Variants in NKAIN3 observed in about 807,000 individuals in gnomAD.
The protein encoded by NKAIN3 is sodium/potassium transporting ATPase interacting 3, also known as sodium/potassium-transporting ATPase subunit beta-1-interacting protein 3.
NKAIN3 carries 25 observed loss-of-function variants against 30.2 expected under a neutral mutation model. The ratio of observed to expected loss-of-function variants is 0.83; its 90% confidence interval spans 0.60 to 1.16. The LOEUF is 1.16. Among genes scored for constraint, NKAIN3 ranks in the 50% most tolerant of loss-of-function variants. NKAIN3 has a pLI of 0.00. For synonymous variants in NKAIN3, 91 were observed against 89.6 expected, an observed-to-expected ratio of 1.02 and a Z score of -0.09; for missense variants, 225 against 254.1, an observed-to-expected ratio of 0.89 and a Z score of 0.78.
At chr8:62,249,430 G>C (rs4262319) in intron 1 of NKAIN3, among the ~76,000 whole-genome samples, 100,544 of 152,166 alleles carry the variant, frequency 0.66, 33,463 homozygotes, top group African/African-American at 0.73. Flanking sequence ...GCGGAGTGAG[G>C]GATTTTCCCG....
chr8:62,797,802 C>G (rs556712503), intron 4 of NKAIN3, among the ~76,000 whole-genome samples: 1 of 152,050 alleles, frequency 6.6e-6, no homozygotes, highest in Non-Finnish European at 1.5e-5. Context: ...AGTTAAGATA[C>G]GGTCACAGTG....
intron 4 of NKAIN3, among the ~76,000 whole-genome samples, chr8:62,784,241 A>G (rs1448638581): frequency 6.6e-6 from 1 of 151,938 alleles, no homozygotes. Context: ...AGTGCAAACT[A>G]TCCCTAAAGC....
In NKAIN3 at chr8:62,965,789, A is replaced by C; in HGVS notation, c.*382A>C. ...GTTAAGTCAGCACTGCTGACTGTTG[A>C]AGTTATTCTAGGCCTGATGAATTTG... On this transcript the variant is annotated 3_prime_UTR_variant, in exon 7 of 7. Transcript: ENST00000623646. 7.1e-6 allele frequency: 7 copies of C among 985,320 alleles called. No individual in the cohort carries two copies. The highest frequency in any genetic ancestry group is 8.4e-6 in the Non-Finnish European group (7 of 829,870). The allele number at this position is 985,320 out of a possible 1,614,324, so 61.0% of individuals were successfully genotyped here.
intron 1 of NKAIN3, among the ~76,000 whole-genome samples, chr8:62,375,031 C>A (rs1016844921): frequency 6.6e-6 from 1 of 152,204 alleles, no homozygotes; most frequent in African/African-American, 2.4e-5. Context: ...TGTTCCCCTA[C>A]ACCAAATTAA....
At position 62,688,721 on chromosome 8, in the gene NKAIN3, CACAG is replaced by C. The variant is rs541712425; in HGVS notation, c.274-58191_274-58188del. ...ATCTATTTTCAATCTCACACATAGA[CACAG>C]ACAGACAGACAGACAGACACACACA... On this transcript the variant is annotated intron_variant, in intron 3 of 6. Coordinates refer to ENST00000623646, the MANE Select transcript of NKAIN3 (RefSeq NM_001304533.3). Among the ~76,000 whole-genome samples the C allele has an allele frequency of 3.0e-3, 455 of 150,640 alleles. 1 individual carries two copies. The highest frequency in any genetic ancestry group is 9.0e-3 in the East Asian group (46 of 5,092).
At chr8:62,443,331 GCTGCTTTCAATTTACTTGTTGTC>G (rs1805387912) in intron 1 of NKAIN3, among the ~76,000 whole-genome samples, 1 of 151,646 alleles carries the variant, frequency 6.6e-6, no homozygotes, top group South Asian at 2.1e-4. Context: ...GTCCTTCATT[GCTGCTTTCAATTTACTTGTTGTC>G]CTACTTTGTA....
Position 62,454,301 on chromosome 8 carries a change from C to CAAAAA in NKAIN3, c.55-125220_55-125216dup, listed in dbSNP as rs201511724. On this transcript the variant is annotated intron_variant, in intron 1 of 6. Coordinates refer to ENST00000623646, the MANE Select transcript of NKAIN3 (RefSeq NM_001304533.3). ...ACCAACACTAACAATAGCTGATGTG[C>CAAAAA]AAAAAAAAAAAAAAAAAAAAAATCT... Among the ~76,000 whole-genome samples, 22 of 56,142 alleles carry CAAAAA rather than the reference C, an allele frequency of 3.9e-4. 2 individuals carry two copies. The highest frequency in any genetic ancestry group is 1.9e-3 in the South Asian group (2 of 1,066). 36.8% of individuals were successfully genotyped at this position (56,142 alleles called of 152,430 possible). A position where few individuals can be genotyped will look rare whatever the true frequency, so the allele number is the denominator to read the frequency against.
At position 62,720,943 on chromosome 8, in the gene NKAIN3, T is replaced by C. The variant is rs145450223; in HGVS notation, c.274-25989T>C. On this transcript the variant is annotated intron_variant, in intron 3 of 6. Coordinates refer to ENST00000623646, the MANE Select transcript of NKAIN3 (RefSeq NM_001304533.3). ...ACTTACTTGAACTACATGTGGTCGA[T>C]ATTATGCATCTGCCGCATCGCTTAC... 5.3e-3 allele frequency among the ~76,000 whole-genome samples: 811 copies of C among 152,336 alleles called. 4 individuals are homozygous for C. Among genetic ancestry groups the C allele is most frequent in the African/African-American group, 0.018 (756 of 41,574 alleles).
chr8:62,345,360 T>C (rs1214991746), intron 1 of NKAIN3, among the ~76,000 whole-genome samples: 1 of 9,858 alleles, frequency 1.0e-4, no homozygotes, highest in African/African-American at 1.7e-4. Context: ...TATACACATA[T>C]ATGTATATAT....
intron 1 of NKAIN3, among the ~76,000 whole-genome samples, chr8:62,428,180 T>C (rs1804875183): frequency 1.3e-5 from 2 of 151,980 alleles, no homozygotes; most frequent in South Asian, 4.1e-4. Flanking sequence ...ATTTCAATCT[T>C]TTTTACAGCT....
At chr8:62,703,835 A>G (rs1814429025) in intron 3 of NKAIN3, among the ~76,000 whole-genome samples, 1 of 152,126 alleles carries the variant, frequency 6.6e-6, no homozygotes, top group South Asian at 2.1e-4. Context: ...TATTCTTTCT[A>G]TATTCTTTAG....
chr8:62,969,395 A>C lies in NKAIN3; in HGVS notation c.*3988A>C, dbSNP rs569006942. On this transcript the variant is annotated 3_prime_UTR_variant, in exon 7 of 7. Coordinates refer to ENST00000623646, the MANE Select transcript of NKAIN3 (RefSeq NM_001304533.3). Reference sequence around the variant, plus strand: ...GACTCTGCTAATTTGAGAAGCAAAAACCAAAATTTCTCTTTTCAATCTTTG... The same window carrying C: ...GACTCTGCTAATTTGAGAAGCAAAACCCAAAATTTCTCTTTTCAATCTTTG... 1.3e-5 allele frequency among the ~76,000 whole-genome samples: 2 copies of C among 152,242 alleles called. No homozygotes were observed. The highest frequency in any genetic ancestry group is 1.5e-5 in the Non-Finnish European group (1 of 68,046).
At chr8:62,253,502 C>G (rs762039304) in intron 1 of NKAIN3, among the ~76,000 whole-genome samples, 1 of 152,054 alleles carries the variant, frequency 6.6e-6, no homozygotes, top group African/African-American at 2.4e-5. Flanking sequence ...CCCAGGAGAT[C>G]AAGACTGCAG....
chr8:62,874,860 C>T (rs1165535074), intron 4 of NKAIN3, among the ~76,000 whole-genome samples: 1 of 151,994 alleles, frequency 6.6e-6, no homozygotes, highest in South Asian at 2.1e-4. Context: ...AGCCAATATC[C>T]TATTGAATGG....
chr8:62,758,611 G>T (rs1232214466), intron 4 of NKAIN3, among the ~76,000 whole-genome samples: 1 of 152,176 alleles, frequency 6.6e-6, no homozygotes, highest in Non-Finnish European at 1.5e-5. Context: ...CCACAGAGCA[G>T]CTGGGAGAAA....
chr8:62,674,533 A>C (rs976876704), intron 3 of NKAIN3, among the ~76,000 whole-genome samples: 65 of 152,198 alleles, frequency 4.3e-4, no homozygotes, highest in African/African-American at 1.5e-3. Flanking sequence ...GGGGCGAGAG[A>C]ATGGTATCAC....
intron 5 of NKAIN3, among the ~76,000 whole-genome samples, chr8:62,932,934 G>T (rs948748470): frequency 1.3e-5 from 2 of 150,640 alleles, no homozygotes; most frequent in Non-Finnish European, 2.9e-5. Context: ...AGATAAACTA[G>T]CCATCTCCGA....
At chr8:62,827,552 A>G (rs1322096319) in intron 4 of NKAIN3, among the ~76,000 whole-genome samples, 31 of 152,224 alleles carry the variant, frequency 2.0e-4, no homozygotes, top group Admixed American at 2.0e-3. Flanking sequence ...TCTGGCTGGC[A>G]GCATGACACA....
intron 4 of NKAIN3, among the ~76,000 whole-genome samples, chr8:62,895,620 C>T (rs1172346668): frequency 6.6e-6 from 1 of 152,142 alleles, no homozygotes; most frequent in Non-Finnish European, 1.5e-5. Context: ...CTTTTGGGGT[C>T]TGGAAGTAAT....
Sources: allele counts gnomAD v4.1 joint callset (sites outside exome capture counted in the v4.1 genomes callset), GRCh38; gene constraint gnomAD v4.1.1; transcripts MANE v1.5; gene names NCBI Gene and HGNC (gene_info 2026-07-23, HGNC 2026-07-21).